TENM2: variants seen among roughly 807,000 people sequenced by gnomAD.
TENM2 encodes the protein teneurin transmembrane protein 2.
TENM2 carries 52 observed loss-of-function variants against 245.2 expected under a neutral mutation model. The observed-to-expected ratio is 0.21, with a 90% confidence interval of 0.17 to 0.27. The LOEUF (loss-of-function observed/expected upper bound fraction) is 0.27, where lower values mean the gene tolerates loss of function less well. Ranked by LOEUF, TENM2 falls within the 10% of genes least tolerant of loss-of-function variation. TENM2 has a pLI of 1.00. For synonymous variants in TENM2, 1,363 were observed against 1,438.9 expected, an observed-to-expected ratio of 0.95 and a Z score of 1.19; for missense variants, 3,046 against 3,666.8, an observed-to-expected ratio of 0.83 and a Z score of 4.37.
At chr5:168,158,821 G>A (rs1282408411) in intron 12 of TENM2, among the ~76,000 whole-genome samples, 60 of 67,748 alleles carry the variant, frequency 8.9e-4, no homozygotes, top group Middle Eastern at 6.7e-3. Context: ...GTGTGTGTGT[G>A]TGTGTGTGTA....
At chr5:167,061,096 A>ACT in the TENM2 span, among the ~76,000 whole-genome samples, 60 of 28,366 alleles carry the variant, frequency 2.1e-3, no homozygotes, top group Admixed American at 3.3e-3. Flanking sequence ...TCCAAAACAC[A>ACT]CACACACACA....
intron 2 of TENM2, among the ~76,000 whole-genome samples, chr5:167,643,467 C>A (rs1029752228): frequency 1.3e-5 from 2 of 151,310 alleles, no homozygotes; most frequent in Non-Finnish European, 2.9e-5. Flanking sequence ...CATTTTTTTT[C>A]CACTGCTGAA....
chr5:167,477,916 GAAGT>G (rs1267871178), intron 2 of TENM2, among the ~76,000 whole-genome samples: 2 of 152,156 alleles, frequency 1.3e-5, no homozygotes, highest in African/African-American at 4.8e-5. Flanking sequence ...AGATATGAAA[GAAGT>G]AAGGAATTGA....
chr5:167,768,902 A>G (rs1047937264), intron 2 of TENM2, among the ~76,000 whole-genome samples: 3 of 152,206 alleles, frequency 2.0e-5, no homozygotes, highest in Non-Finnish European at 4.4e-5. Flanking sequence ...ATAGGTAAGA[A>G]GGAGGAAGAT....
chr5:167,360,495 T>C (rs557146582), intron 1 of TENM2, among the ~76,000 whole-genome samples: 1 of 152,202 alleles, frequency 6.6e-6, no homozygotes, highest in South Asian at 2.1e-4. Flanking sequence ...TCTTCTCATG[T>C]ATTCCCAGCT....
intron 2 of TENM2, among the ~76,000 whole-genome samples, chr5:167,709,695 T>G (rs1758777158): frequency 6.6e-6 from 1 of 152,176 alleles, no homozygotes; most frequent in Admixed American, 6.5e-5. Flanking sequence ...CCACATTCCT[T>G]GACCACACGA....
At chr5:167,511,073 C>T (rs936382074) in intron 2 of TENM2, among the ~76,000 whole-genome samples, 1 of 152,100 alleles carries the variant, frequency 6.6e-6, no homozygotes, top group Non-Finnish European at 1.5e-5. Context: ...GCCATTTATC[C>T]CACATGTATT....
At chr5:167,034,275 A>G in the TENM2 span, among the ~76,000 whole-genome samples, 1 of 152,222 alleles carries the variant, frequency 6.6e-6, no homozygotes, top group African/African-American at 2.4e-5. Context: ...TGGTATCCCA[A>G]TATTGTACTC....
chr5:167,281,477 G>C (rs528273484), upstream of TENM2, among the ~76,000 whole-genome samples: 15 of 152,200 alleles, frequency 9.9e-5, no homozygotes, highest in South Asian at 8.3e-4. Context: ...AACAGTCCGT[G>C]AGCTTTGCCT....
chr5:168,091,845 T>A (rs1263054013), intron 8 of TENM2, among the ~76,000 whole-genome samples: 1 of 152,178 alleles, frequency 6.6e-6, no homozygotes, highest in Non-Finnish European at 1.5e-5. Context: ...CAGCATTAAA[T>A]CCAAGATTTT....
chr5:167,328,973 C>T (rs767529485), intron 1 of TENM2, among the ~76,000 whole-genome samples: 34 of 152,116 alleles, frequency 2.2e-4, no homozygotes, highest in Non-Finnish European at 4.0e-4. Context: ...TGTCTAAAAT[C>T]GTGACCAATA....
chr5:167,033,121 C>T, the TENM2 span, among the ~76,000 whole-genome samples: 8 of 152,152 alleles, frequency 5.3e-5, no homozygotes, highest in African/African-American at 1.9e-4. Flanking sequence ...ACATCCTGGA[C>T]AGACAAGTGT....
At chr5:166,996,663 T>A in the TENM2 span, among the ~76,000 whole-genome samples, 1 of 152,214 alleles carries the variant, frequency 6.6e-6, no homozygotes, top group African/African-American at 2.4e-5. Context: ...TTCATGAATA[T>A]TATTGGGTTT....
At chr5:168,115,398 A>AAGGG (rs1794993325) in intron 9 of TENM2, among the ~76,000 whole-genome samples, 1 of 118,878 alleles carries the variant, frequency 8.4e-6, no homozygotes, top group African/African-American at 3.4e-5. Context: ...GGAAGGAAGG[A>AAGGG]AGGAAGGAAG....
intron 5 of TENM2, among the ~76,000 whole-genome samples, chr5:168,012,293 T>G (rs1289761447): frequency 6.6e-6 from 1 of 151,996 alleles, no homozygotes; most frequent in Non-Finnish European, 1.5e-5. Context: ...TCAGGGCACG[T>G]GGGAAGATGG....
chr5:168,205,821 A>G (rs1479863263), intron 19 of TENM2, among the ~76,000 whole-genome samples: 2 of 152,092 alleles, frequency 1.3e-5, no homozygotes, highest in Admixed American at 1.3e-4. Context: ...GGTGGAATTG[A>G]TATGATCTGA....
At chr5:168,024,588 A>C (rs745434421) in intron 5 of TENM2, among the ~76,000 whole-genome samples, 5 of 152,226 alleles carry the variant, frequency 3.3e-5, no homozygotes, top group Non-Finnish European at 7.3e-5. Context: ...AATTAGCTCC[A>C]TGTGAAAAAT....
At chr5:167,481,156 T>A (rs2127528723) in intron 2 of TENM2, among the ~76,000 whole-genome samples, 2 of 152,280 alleles carry the variant, frequency 1.3e-5, no homozygotes, top group Middle Eastern at 3.4e-3. Flanking sequence ...TTAAAAAGGA[T>A]ATATAATTAC....
At chr5:167,021,929 T>C in the TENM2 span, among the ~76,000 whole-genome samples, 15 of 152,130 alleles carry the variant, frequency 9.9e-5, no homozygotes, top group African/African-American at 3.4e-4. Flanking sequence ...ATTAAGCAAT[T>C]TGATATAAAA....
Sources: gnomAD v4.1 joint callset for allele counts (sites outside exome capture counted in the v4.1 genomes callset) on GRCh38, gnomAD v4.1.1 for gene constraint, MANE v1.5 for transcripts, NCBI Gene and HGNC (gene_info 2026-07-23, HGNC 2026-07-21) for gene names.